Variants in RNF213 observed in about 807,000 individuals in gnomAD.
RNF213 encodes E3 ubiquitin-protein ligase RNF213.
A neutral mutation model predicts 514.4 loss-of-function variants in RNF213; 341 were observed. That is an observed-to-expected ratio of 0.66 (90% CI 0.61 to 0.73). RNF213 has a LOEUF of 0.73. Ranked by LOEUF, RNF213 falls within the 30% of genes least tolerant of loss-of-function variation. The pLI is 0.00. For synonymous variants in RNF213, 2,655 were observed against 2,658.2 expected, an observed-to-expected ratio of 1.00 and a Z score of 0.04; for missense variants, 5,767 against 6,615.6, an observed-to-expected ratio of 0.87 and a Z score of 4.45.
intron 19 of RNF213, 83 bp downstream of exon 19, chr17:80,328,072 T>C: frequency 6.9e-7 from 1 of 1,455,550 alleles, no homozygotes; most frequent in Non-Finnish European, 9.3e-7. Flanking sequence ...TGTGCATTTT[T>C]GTAAAGGAGA....
In RNF213 at chr17:80,353,266, G is replaced by C. The variant is rs918827843; in HGVS notation, c.10423+207G>C. On this transcript the variant is annotated intron_variant, in intron 33 of 67. Transcript: ENST00000582970. This position sits in a 1 kb window ranked among gnomAD's most constrained non-coding sequence, Gnocchi z 5.0. ...TGCGCTTACCACAGGCTGAGGTAGAGCTCTGTGAGCAGGCCAGCCATGGAA... is the reference window on the plus strand; with the variant it reads ...TGCGCTTACCACAGGCTGAGGTAGACCTCTGTGAGCAGGCCAGCCATGGAA... 5.0e-5 allele frequency: 40 copies of C among 799,844 alleles called. No individual in the cohort carries two copies. Among genetic ancestry groups the C allele is most frequent in the Non-Finnish European group, 6.7e-5 (33 of 493,608 alleles). The allele number at this position is 799,844 out of a possible 1,614,324, so 49.5% of individuals were successfully genotyped here.
intron 25 of RNF213, 85 bp downstream of exon 25, chr17:80,338,082 A>G (rs2144042816): frequency 1.4e-6 from 2 of 1,479,268 alleles, no homozygotes; most frequent in Middle Eastern, 1.8e-4. Flanking sequence ...AACGGAAAGG[A>G]TTTGACTTGG....
chr17:80,270,638 A>C (rs150673718), intron 2 of RNF213, among the ~76,000 whole-genome samples: 3 of 152,274 alleles, frequency 2.0e-5, no homozygotes, highest in African/African-American at 7.2e-5. Context: ...AAGTTAAGAG[A>C]CCACATGTAT....
chr17:80,393,278 G>T, intron 67 of RNF213, 67 bp from the exon 68 acceptor site: 1 of 1,475,022 alleles, frequency 6.8e-7, no homozygotes, highest in Non-Finnish European at 9.4e-7. Context: ...ACACAGTGCT[G>T]GGCTTACACA....
At chr17:80,362,915 C>T (rs1007642840) in intron 39 of RNF213, among the ~76,000 whole-genome samples, 187 bp from the exon 40 acceptor site, 8 of 152,162 alleles carry the variant, frequency 5.3e-5, no homozygotes, top group African/African-American at 1.4e-4. Flanking sequence ...AAAGCCCAGA[C>T]GACACGGTGA....
intron 3 of RNF213, chr17:80,278,650 G>T: frequency 7.4e-7 from 1 of 1,350,468 alleles, no homozygotes; most frequent in Non-Finnish European, 1.0e-6. Flanking sequence ...GGGTGTCCCT[G>T]CCTGGGCCTT....
intron 11 of RNF213, among the ~76,000 whole-genome samples, chr17:80,300,436 G>A (rs1237019105): frequency 2.0e-5 from 3 of 152,088 alleles, no homozygotes; most frequent in Admixed American, 6.6e-5. Context: ...TAGAGACAGG[G>A]TTGCACCATG....
chr17:80,389,207 G>A lies in RNF213; in HGVS notation c.15035G>A (p.Ser5012Asn), dbSNP rs1467333666. The change falls in exon 65 of 68, where the codon AGT becomes AAT. Residue 5012 changes from serine to asparagine, a missense_variant. Transcript: ENST00000582970. The part of the protein sequence containing the change: ...SLPSSVISAI[S>N]GQLQSYSDAC... Reference sequence around the variant, plus strand: ...CCCAGCTCGGTCATTAGTGCCATCAGTGGACAGCTGCAGTCCTACAGCGAT... The same window carrying A: ...CCCAGCTCGGTCATTAGTGCCATCAATGGACAGCTGCAGTCCTACAGCGAT... 1 of 1,614,180 alleles carries A rather than the reference G, an allele frequency of 6.2e-7. No individual in the cohort carries two copies. Among genetic ancestry groups the A allele is most frequent in the Non-Finnish European group, 8.5e-7 (1 of 1,180,000 alleles).
chr17:80,328,307 A>C, intron 19 of RNF213, 21 bp from the exon 20 acceptor site: 1 of 1,532,770 alleles, frequency 6.5e-7, no homozygotes, highest in Non-Finnish European at 8.7e-7. Context: ...GGGTTACTTT[A>C]TTGGTGTTCT....
chr17:80,329,851 T>A (rs1337860908), intron 20 of RNF213, among the ~76,000 whole-genome samples: 2 of 152,000 alleles, frequency 1.3e-5, no homozygotes, highest in Non-Finnish European at 2.9e-5. Context: ...ATATTTTCAG[T>A]CCCCTCTATT....
chr17:80,340,587 C>T, intron 26 of RNF213: 1 of 448,534 alleles, frequency 2.2e-6, no homozygotes, highest in Non-Finnish European at 4.1e-6. Context: ...TCTCAGCAAA[C>T]ATCTCTGCAG....
rs139017008 is a variant in RNF213 at position 80,356,845 on chromosome 17, T to A, written c.10863-1443T>A. 8.5e-3 allele frequency among the ~76,000 whole-genome samples: 1,301 copies of A among 152,190 alleles called. 16 individuals are homozygous for A. The highest frequency in any genetic ancestry group is 0.029 in the African/African-American group (1,224 of 41,538). On this transcript the variant is annotated intron_variant, in intron 36 of 67. Coordinates refer to ENST00000582970, the MANE Select transcript of RNF213 (RefSeq NM_001256071.3). ...GCCAGGTTCCTCTGTACTATATATT[T>A]AAAAAATGTAGGTATTTCTTTTTAT...
chr17:80,386,529 A>T, intron 62 of RNF213, 99 bp downstream of exon 62: 1 of 1,454,592 alleles, frequency 6.9e-7, no homozygotes, highest in East Asian at 2.3e-5. Context: ...TCCCTAACAG[A>T]CACTCACTCC....
chr17:80,371,587 T>TTTA (rs2079520399), intron 46 of RNF213: 1 of 229,292 alleles, frequency 4.4e-6, no homozygotes, highest in Non-Finnish European at 8.5e-6. Context: ...ATCATAAATA[T>TTTA]TGATAATATA....
intron 31 of RNF213, among the ~76,000 whole-genome samples, chr17:80,351,021 TCTTAGAATTAACTTTGTGCCTTTATTA>T (rs2078490472): frequency 6.6e-6 from 1 of 152,234 alleles, no homozygotes; most frequent in Non-Finnish European, 1.5e-5. Flanking sequence ...AGTCTGATGC[TCTTAGAATTAACTTTGTGCCTTTATTA>T]CTTAAAGTAA....
At position 80,264,714 on chromosome 17, in the gene RNF213, T is replaced by G. The variant is rs1294112259; in HGVS notation, c.97+936T>G. On this transcript the variant is annotated intron_variant, in intron 2 of 67. Transcript: ENST00000582970. The surrounding 1 kb of genome is among the most constrained non-coding windows in gnomAD (Gnocchi z 5.0). ...GCTTCCTGCTCAGCACAGCAGACAG[T>G]CAAACCACAGACCCCCTTACAAGAT... Among the ~76,000 whole-genome samples the G allele has an allele frequency of 1.3e-5, 2 of 152,068 alleles. No individual in the cohort carries two copies. Among genetic ancestry groups the G allele is most frequent in the East Asian group, 3.9e-4 (2 of 5,146 alleles).
chr17:80,291,586 G>A (rs2044730759), intron 7 of RNF213, 42 bp from the exon 8 acceptor site: 1 of 1,593,172 alleles, frequency 6.3e-7, no homozygotes, highest in Non-Finnish European at 8.6e-7. Flanking sequence ...AATTTCCGGG[G>A]TAGGAATTTT....
chr17:80,278,580 C>G (rs1340168453), intron 3 of RNF213, among the ~76,000 whole-genome samples: 6 of 152,194 alleles, frequency 3.9e-5, no homozygotes, highest in Non-Finnish European at 8.8e-5. Flanking sequence ...CTTCCCACAC[C>G]CTCCTGCCCA....
intron 11 of RNF213, among the ~76,000 whole-genome samples, chr17:80,299,581 G>T (rs1303900745): frequency 1.3e-5 from 2 of 148,218 alleles, no homozygotes; most frequent in African/African-American, 5.1e-5. Context: ...TAACTTCTAA[G>T]TTCAGGAGTA....
Sources: gnomAD v4.1 joint callset for allele counts (sites outside exome capture counted in the v4.1 genomes callset) on GRCh38, gnomAD v4.1.1 for gene constraint, Gnocchi (gnomAD v3.1) non-coding constraint, MANE v1.5 for transcripts, NCBI Gene and HGNC (gene_info 2026-07-23, HGNC 2026-07-21) for gene names.